NDUFA10: variants seen among roughly 807,000 people sequenced by gnomAD.
NDUFA10 encodes the protein NADH:ubiquinone oxidoreductase subunit A10, also known as NADH dehydrogenase [ubiquinone] 1 alpha subcomplex subunit 10, mitochondrial.
In NDUFA10, 40 loss-of-function variants were observed where a neutral mutation model predicts 47.8. The observed-to-expected ratio is 0.84, with a 90% CI of 0.65 to 1.09. NDUFA10 has a LOEUF of 1.09. Ranked by LOEUF, NDUFA10 falls within the 50% of genes least tolerant of loss-of-function variation. The pLI, the probability that NDUFA10 is intolerant of heterozygous loss-of-function variation, is 0.00. For synonymous variants in NDUFA10, 183 were observed against 172.2 expected, an observed-to-expected ratio of 1.06 and a Z score of -0.49; for missense variants, 413 against 451.1, an observed-to-expected ratio of 0.92 and a Z score of 0.76.
intron 4 of NDUFA10, among the ~76,000 whole-genome samples, chr2:239,951,873 G>A (rs1167418240): frequency 6.6e-6 from 1 of 152,266 alleles, no homozygotes; most frequent in Non-Finnish European, 1.5e-5. Context: ...CAGCGGGAAG[G>A]ACAGTGGGAC....
chr2:239,893,058 A>G (rs1393399057), intron 5 of NDUFA10, among the ~76,000 whole-genome samples: 1 of 152,122 alleles, frequency 6.6e-6, no homozygotes, highest in Non-Finnish European at 1.5e-5. Context: ...GTAGCCAGCA[A>G]CAGGAAACTA....
intron 8 of NDUFA10, 48 bp downstream of exon 8, chr2:240,005,162 T>A: frequency 6.7e-7 from 1 of 1,496,032 alleles, no homozygotes. Context: ...TTCCCCATCA[T>A]GCAAGTAGAC....
At chr2:239,951,976 T>C (rs1222586142) in intron 4 of NDUFA10, among the ~76,000 whole-genome samples, 1 of 152,222 alleles carries the variant, frequency 6.6e-6, no homozygotes, top group East Asian at 1.9e-4. Context: ...CTTTGGTCTC[T>C]TTCCCTCGGT....
At chr2:240,002,446 T>C (rs999821573) in intron 8 of NDUFA10, among the ~76,000 whole-genome samples, 3 of 152,140 alleles carry the variant, frequency 2.0e-5, no homozygotes, top group Non-Finnish European at 2.9e-5. Flanking sequence ...GAGCCAATCA[T>C]TTCAGTAAGC....
intron 4 of NDUFA10, among the ~76,000 whole-genome samples, chr2:239,933,772 G>A (rs1224144078): frequency 2.0e-5 from 3 of 152,258 alleles, no homozygotes; most frequent in South Asian, 2.1e-4. Flanking sequence ...ACAGGGGCAC[G>A]TCCCAAAATT....
intron 4 of NDUFA10, among the ~76,000 whole-genome samples, chr2:239,949,729 A>G (rs2106383279): frequency 6.6e-6 from 1 of 151,832 alleles, no homozygotes; most frequent in East Asian, 2.0e-4. Context: ...CGATCCTCCC[A>G]CCTCAGCCTC....
intron 9 of NDUFA10, among the ~76,000 whole-genome samples, chr2:239,966,845 TTTC>T (rs1297471348): frequency 7.4e-6 from 1 of 134,966 alleles, no homozygotes; most frequent in Non-Finnish European, 1.6e-5. Context: ...TGTGCAAGGA[TTTC>T]TTTTTTTTTT....
Position 239,931,576 on chromosome 2 carries a change from GC to G in NDUFA10, c.295-36263del, listed in dbSNP as rs779948038. ...TTTCCCCCAAGCAGGGTCTCCACCT[GC>G]ACTGTGCCCTCCAGATCTCCAAGCG... On this transcript the variant is annotated intron_variant, in intron 4 of 5. Transcript: ENST00000419408. Among the ~76,000 whole-genome samples the G allele has an allele frequency of 7.2e-5, 11 of 152,352 alleles. No individual in the cohort carries two copies. The South Asian group carries it at 2.3e-3, about 32-fold the overall frequency.
In NDUFA10 at chr2:239,958,749, C is replaced by T. The variant is rs545952285; in HGVS notation, c.*2369G>A. ...TAACAGTTGATGGAACAGAAAGATA[C>T]GTTAGAAAAAAACAAGGACTTTCTT... On this transcript the variant is annotated 3_prime_UTR_variant, in exon 10 of 10. Transcript: ENST00000252711. The T allele has an allele frequency of 1.0e-5, 2 of 199,920 alleles. No homozygotes were observed. Among genetic ancestry groups the T allele is most frequent in the African/African-American group, 4.7e-5 (2 of 42,384 alleles). The allele number at this position is 199,920 out of a possible 1,614,324, so 12.4% of individuals were successfully genotyped here.
chr2:240,020,802 G>A (rs757052390), intron 3 of NDUFA10, among the ~76,000 whole-genome samples: 5 of 152,162 alleles, frequency 3.3e-5, no homozygotes, highest in Admixed American at 2.0e-4. Flanking sequence ...ACAACCCTAT[G>A]TTGTTGGCAT....
At position 239,945,741 on chromosome 2, in the gene NDUFA10, A is replaced by G. The variant is rs891483857; in HGVS notation, c.294+44333T>C. On this transcript the variant is annotated intron_variant, in intron 4 of 5. Coordinates refer to the NDUFA10 transcript ENST00000419408. This position sits in a 1 kb window ranked among gnomAD's most constrained non-coding sequence, Gnocchi z 4.6. ...TTTTTTAAACACACAATGAATGTGC[A>G]CACCAAGAGAAGTGCTGCAGCTCAA... Among the ~76,000 whole-genome samples the G allele has an allele frequency of 1.3e-5, 2 of 152,226 alleles. No individual in the cohort carries two copies. Among genetic ancestry groups the G allele is most frequent in the African/African-American group, 4.8e-5 (2 of 41,456 alleles).
At chr2:239,911,117 C>A (rs1157093526) in intron 4 of NDUFA10, among the ~76,000 whole-genome samples, 2 of 152,090 alleles carry the variant, frequency 1.3e-5, no homozygotes, top group East Asian at 1.9e-4. Flanking sequence ...CTCGTTCCTG[C>A]CAGAAACTCA....
intron 4 of NDUFA10, among the ~76,000 whole-genome samples, chr2:239,933,503 GTTTT>G (rs1171690518): frequency 2.3e-5 from 3 of 129,790 alleles, no homozygotes; most frequent in Admixed American, 7.9e-5. Flanking sequence ...AGCCTCCATG[GTTTT>G]TTTTTTGTTT....
chr2:239,963,835 T>C (rs1694953662), intron 9 of NDUFA10, among the ~76,000 whole-genome samples: 1 of 152,180 alleles, frequency 6.6e-6, no homozygotes, highest in African/African-American at 2.4e-5. Flanking sequence ...GGCCTGAGGC[T>C]GCAGAGGGAC....
chr2:239,986,681 G>A (rs772673095), intron 9 of NDUFA10, among the ~76,000 whole-genome samples: 2 of 152,116 alleles, frequency 1.3e-5, no homozygotes, highest in East Asian at 1.9e-4. Context: ...CAGAAAGAAC[G>A]ATAGAAACAG....
chr2:239,907,205 T>C (rs1170896326), intron 4 of NDUFA10, among the ~76,000 whole-genome samples: 1 of 152,190 alleles, frequency 6.6e-6, no homozygotes, highest in Non-Finnish European at 1.5e-5. Flanking sequence ...TGGCTAGCCA[T>C]ATGTAGAAAG....
At position 239,960,007 on chromosome 2, in the gene NDUFA10, C is replaced by T; in HGVS notation, c.*1111G>A. The T allele has an allele frequency of 2.0e-6, 2 of 984,960 alleles. No homozygotes were observed. Among genetic ancestry groups the T allele is most frequent in the Non-Finnish European group, 2.4e-6 (2 of 829,472 alleles). 61.0% of individuals were successfully genotyped at this position (984,960 alleles called of 1,614,324 possible). ...CTGCCCACAGGCGGCTGTGGAGTGC[C>T]TGAACTATGGCCAGTGCAACCAAGG... On this transcript the variant is annotated 3_prime_UTR_variant, in exon 10 of 10. Coordinates refer to ENST00000252711, the MANE Select transcript of NDUFA10 (RefSeq NM_004544.4).
chr2:239,967,979 TACAC>T (rs61166045), intron 9 of NDUFA10, among the ~76,000 whole-genome samples: 69 of 147,580 alleles, frequency 4.7e-4, no homozygotes, highest in East Asian at 3.4e-3. Flanking sequence ...GAAAAAAATA[TACAC>T]ACACACACAC....
chr2:239,902,961 T>C (rs1413470440), intron 4 of NDUFA10, among the ~76,000 whole-genome samples: 2 of 152,196 alleles, frequency 1.3e-5, no homozygotes, highest in African/African-American at 4.8e-5. Context: ...TGGGCTGCAG[T>C]TGGCCATTGC....
Sources: gnomAD v4.1 joint callset for allele counts (sites outside exome capture counted in the v4.1 genomes callset) on GRCh38, gnomAD v4.1.1 for gene constraint, Gnocchi (gnomAD v3.1) non-coding constraint, MANE v1.5 for transcripts, NCBI Gene and HGNC (gene_info 2026-07-23, HGNC 2026-07-21) for gene names.